Variants in SLC35E3 observed in about 807,000 individuals in gnomAD.
SLC35E3 encodes solute carrier family 35 member E3.
A neutral mutation model predicts 30.8 loss-of-function variants in SLC35E3; 28 were observed. The ratio of observed to expected loss-of-function variants is 0.91; its 90% CI spans 0.67 to 1.25. The LOEUF is 1.25. Ranked by LOEUF, SLC35E3 falls within the 50% of genes most tolerant of loss-of-function variation. The probability of loss-of-function intolerance (pLI) is 0.00; values close to 1 mark genes in which losing one functional copy is unlikely to be tolerated. For missense variants in SLC35E3, 365 were observed against 375.4 expected (o/e 0.97, Z 0.23); for synonymous variants, 146 against 149.2 (o/e 0.98, Z 0.16).
chr12:68,758,817 C>T (rs557723324), intron 3 of SLC35E3, among the ~76,000 whole-genome samples: 150 of 126,454 alleles, frequency 1.2e-3, no homozygotes, highest in Middle Eastern at 0.012. Flanking sequence ...TCTCGGCTCA[C>T]TGCAAGCTCC....
At position 68,765,683 on chromosome 12, in the gene SLC35E3, CATACAT is replaced by C. The variant is rs1476471979; in HGVS notation, c.*800_*805del. On this transcript the variant is annotated 3_prime_UTR_variant, in exon 5 of 5. Coordinates refer to ENST00000398004, the MANE Select transcript of SLC35E3 (RefSeq NM_018656.5). ...ATATATACACATATATACACACACA[CATACAT>C]ATACATGTGTATATATATACCATCC... is the stretch of plus-strand genomic sequence containing the variant. 4 of 150,194 alleles carry C rather than the reference CATACAT, an allele frequency of 2.7e-5. No homozygotes were observed. The highest frequency in any genetic ancestry group is 7.4e-5 in the African/African-American group (3 of 40,606). 9.3% of individuals were successfully genotyped at this position (150,194 alleles called of 1,614,324 possible). A position where few individuals can be genotyped will look rare whatever the true frequency, so the allele number is the denominator to read the frequency against.
intron 3 of SLC35E3, among the ~76,000 whole-genome samples, chr12:68,756,706 A>G (rs147190327): frequency 1.3e-5 from 2 of 152,336 alleles, no homozygotes; most frequent in Non-Finnish European, 2.9e-5. Context: ...ATTAAAAACA[A>G]AAATCACATG....
chr12:68,757,260 C>T (rs990250699), intron 3 of SLC35E3, among the ~76,000 whole-genome samples: 2 of 152,180 alleles, frequency 1.3e-5, no homozygotes, highest in Non-Finnish European at 2.9e-5. Flanking sequence ...TCCTCTTCAA[C>T]GTGGAACTAG....
chr12:68,771,851 C>A lies in SLC35E3; in HGVS notation c.*6961C>A, dbSNP rs962527824. On this transcript the variant is annotated 3_prime_UTR_variant, in exon 5 of 5. Coordinates refer to ENST00000398004, the MANE Select transcript of SLC35E3 (RefSeq NM_018656.5). ...TGGGCAGCTTGCTCAAATCTTACTTCTCAGTTTCTTCACCTATAAAATGAG... is the reference window on the plus strand; with the variant it reads ...TGGGCAGCTTGCTCAAATCTTACTTATCAGTTTCTTCACCTATAAAATGAG... The A allele has an allele frequency of 1.3e-5, 2 of 152,256 alleles. No homozygotes were observed. The highest frequency in any genetic ancestry group is 6.5e-5 in the Admixed American group (1 of 15,270). 9.4% of individuals were successfully genotyped at this position (152,256 alleles called of 1,614,324 possible). A position where few individuals can be genotyped will look rare whatever the true frequency, so the allele number is the denominator to read the frequency against.
rs1165026420 is a variant in SLC35E3, at chr12:68,767,627, T to C, written c.*2737T>C. On this transcript the variant is annotated 3_prime_UTR_variant, in exon 5 of 5. Transcript: ENST00000398004. Reference sequence around the variant, plus strand: ...CAATAAAAATATATATACACACATATAATATACCTTTGGGGTTTTTAGGAT... The same window carrying C: ...CAATAAAAATATATATACACACATACAATATACCTTTGGGGTTTTTAGGAT... 1 of 152,014 alleles carries C rather than the reference T, an allele frequency of 6.6e-6. No individual in the cohort carries two copies. Among genetic ancestry groups the C allele is most frequent in the African/African-American group, 2.4e-5 (1 of 41,404 alleles). 9.4% of individuals were successfully genotyped at this position (152,014 alleles called of 1,614,324 possible).
Position 68,766,177 on chromosome 12 carries a change from A to AC in SLC35E3, c.*1288dup, listed in dbSNP as rs1353067572. The AC allele has an allele frequency of 6.6e-6, 1 of 152,032 alleles. No homozygotes were observed. Among genetic ancestry groups the AC allele is most frequent in the Non-Finnish European group, 1.5e-5 (1 of 68,006 alleles). The allele number at this position is 152,032 out of a possible 1,614,324, so 9.4% of individuals were successfully genotyped here. The stretch of plus-strand genomic sequence containing the variant: ...TTTGAGTTTTCAGTGAACTATAGAA[A>AC]CTATATGGAGTTAAAAAACAAAACG... On this transcript the variant is annotated 3_prime_UTR_variant, in exon 5 of 5. Transcript: ENST00000398004.
intron 3 of SLC35E3, among the ~76,000 whole-genome samples, chr12:68,752,741 C>T (rs1253370727): frequency 1.3e-5 from 2 of 152,082 alleles, no homozygotes; most frequent in Non-Finnish European, 2.9e-5. Context: ...TGTGGTGGCT[C>T]ATGCCTGTAA....
In SLC35E3 at chr12:68,746,270, A is replaced by G. The variant is rs1878545792; in HGVS notation, c.-108A>G. On this transcript the variant is annotated 5_prime_UTR_variant, in exon 1 of 5. Coordinates refer to ENST00000398004, the MANE Select transcript of SLC35E3 (RefSeq NM_018656.5). Reference sequence around the variant, plus strand: ...GATCTGTGCATGCCACTCCTGGGTCAGACGGTGAGGTCGGCGTCTGCGAGG... The same window carrying G: ...GATCTGTGCATGCCACTCCTGGGTCGGACGGTGAGGTCGGCGTCTGCGAGG... 6 of 1,096,818 alleles carry G rather than the reference A, an allele frequency of 5.5e-6. No homozygotes were observed. The East Asian group carries it at 1.2e-4, about 23-fold the overall frequency. The allele number at this position is 1,096,818 out of a possible 1,614,324, so 67.9% of individuals were successfully genotyped here. A position where few individuals can be genotyped will look rare whatever the true frequency, so the allele number is the denominator to read the frequency against.
rs1295465598 is a variant in SLC35E3, at chr12:68,746,471, AACAAATGGATTTATGTGT to A, written c.97_114del (p.Lys33_Tyr38del). The A allele has an allele frequency of 1.9e-6, 3 of 1,614,162 alleles. No homozygotes were observed. The South Asian group carries it at 3.3e-5, about 18-fold the overall frequency. On this transcript the variant is annotated inframe_deletion, in exon 1 of 5. Coordinates refer to ENST00000398004, the MANE Select transcript of SLC35E3 (RefSeq NM_018656.5). ...GGTGTCCATCTGCATTGTGTTCCTCAACAAATGGATTTATGTGTACCACGGCTTCCCCAACATGAGCCT... is the reference window on the plus strand; with the variant it reads ...GGTGTCCATCTGCATTGTGTTCCTCAACCACGGCTTCCCCAACATGAGCCT...
rs1265202392 is a variant in SLC35E3, at chr12:68,770,458, T to G, written c.*5568T>G. ...TAGCTTCAAAGGTAGTGGAATGAGA[T>G]AAGTGGAAATAATTGAGTAGCTGGA... is the stretch of plus-strand genomic sequence containing the variant. On this transcript the variant is annotated 3_prime_UTR_variant, in exon 5 of 5. Transcript: ENST00000398004. The G allele has an allele frequency of 6.6e-6, 1 of 152,328 alleles. No individual in the cohort carries two copies. 9.4% of individuals were successfully genotyped at this position (152,328 alleles called of 1,614,324 possible). A position where few individuals can be genotyped will look rare whatever the true frequency, so the allele number is the denominator to read the frequency against.
chr12:68,746,905 A>G (rs954709961), intron 1 of SLC35E3, 126 bp downstream of exon 1: 28 of 1,081,936 alleles, frequency 2.6e-5, no homozygotes, highest in Non-Finnish European at 3.5e-5. Context: ...ATCTGTGGGC[A>G]TGTGAACTTT....
At position 68,774,264 on chromosome 12, in the gene SLC35E3, T is replaced by C. The variant is rs1423946867; in HGVS notation, c.*9374T>C. 1.3e-5 allele frequency: 2 copies of C among 152,126 alleles called. No individual in the cohort carries two copies. Among genetic ancestry groups the C allele is most frequent in the African/African-American group, 4.8e-5 (2 of 41,478 alleles). The allele number at this position is 152,126 out of a possible 1,614,324, so 9.4% of individuals were successfully genotyped here. A position where few individuals can be genotyped will look rare whatever the true frequency, so the allele number is the denominator to read the frequency against. Reference sequence around the variant, plus strand: ...CCAGCCTGGGCAACATTGCAAAACCTGTTCTCTGTGAATAACTTAAAAATT... The same window carrying C: ...CCAGCCTGGGCAACATTGCAAAACCCGTTCTCTGTGAATAACTTAAAAATT... On this transcript the variant is annotated 3_prime_UTR_variant, in exon 5 of 5. Transcript: ENST00000398004.
intron 4 of SLC35E3, 124 bp from the exon 5 acceptor site, chr12:68,764,580 G>A (rs1205127298): frequency 2.5e-5 from 20 of 790,584 alleles, no homozygotes; most frequent in East Asian, 5.7e-5. Flanking sequence ...GATCCACCAC[G>A]CCTGGTCCCA....
Position 68,758,602 on chromosome 12 carries a change from C to T in SLC35E3, c.673-555C>T, listed in dbSNP as rs1879117932. On this transcript the variant is annotated intron_variant, in intron 3 of 4. Coordinates refer to ENST00000398004, the MANE Select transcript of SLC35E3 (RefSeq NM_018656.5). The stretch of plus-strand genomic sequence containing the variant: ...AAAAATGAACCTGGAAATTCACAAT[C>T]ACAGAAAGGATGTTATTGCAGTATT... Among the ~76,000 whole-genome samples, 3 of 151,832 alleles carry T rather than the reference C, an allele frequency of 2.0e-5. No homozygotes were observed. In the East Asian group the frequency reaches 5.8e-4, roughly 29 times the overall value.
In SLC35E3 at chr12:68,771,110, C is replaced by T. The variant is rs1879591308; in HGVS notation, c.*6220C>T. 6.6e-6 allele frequency: 1 copy of T among 151,780 alleles called. No homozygotes were observed. The highest frequency in any genetic ancestry group is 2.1e-4 in the South Asian group (1 of 4,810). The allele number at this position is 151,780 out of a possible 1,614,324, so 9.4% of individuals were successfully genotyped here. On this transcript the variant is annotated 3_prime_UTR_variant, in exon 5 of 5. Coordinates refer to ENST00000398004, the MANE Select transcript of SLC35E3 (RefSeq NM_018656.5). ...CCAACATGGTGAAACCCCGTCTCTACTAAAAGTACAAAAATTAGCTGTGTG... is the reference window on the plus strand; with the variant it reads ...CCAACATGGTGAAACCCCGTCTCTATTAAAAGTACAAAAATTAGCTGTGTG...
intron 4 of SLC35E3, among the ~76,000 whole-genome samples, chr12:68,762,598 T>C (rs564104533): frequency 6.6e-6 from 1 of 152,352 alleles, no homozygotes; most frequent in African/African-American, 2.4e-5. Flanking sequence ...TGTAGACTGC[T>C]CTTTTGTTGT....
chr12:68,752,118 G>T lies in SLC35E3; in HGVS notation c.600G>T (p.Leu200=), dbSNP rs962003377. 6.2e-7 allele frequency: 1 copy of T among 1,613,846 alleles called. No individual in the cohort carries two copies. Among genetic ancestry groups the T allele is most frequent in the African/African-American group, 1.3e-5 (1 of 74,920 alleles). The stretch of plus-strand genomic sequence containing the variant: ...CTCCGATGTCATCTGCCATGTTGCT[G>T]GTTGCTGTGCCCTTCTTTGAGCCAG... ...YQAPMSSAML[L]VAVPFFEPVF... is the part of the protein sequence containing the mutation. The change falls in exon 3 of 5, where the codon CTG becomes CTT. Residue 200 remains leucine, a synonymous_variant. Transcript: ENST00000398004.
At position 68,772,002 on chromosome 12, in the gene SLC35E3, AG is replaced by A. The variant is rs1287234626; in HGVS notation, c.*7115del. On this transcript the variant is annotated 3_prime_UTR_variant, in exon 5 of 5. Transcript: ENST00000398004. ...AAGTAGATTGAATAAATTAATCAGA[AG>A]GGTTTGGTTTGTTTGACCTTTTTTT... is the stretch of plus-strand genomic sequence containing the variant. 6 of 152,248 alleles carry A rather than the reference AG, an allele frequency of 3.9e-5. No homozygotes were observed. Among genetic ancestry groups the A allele is most frequent in the Non-Finnish European group, 7.4e-5 (5 of 68,010 alleles). 9.4% of individuals were successfully genotyped at this position (152,248 alleles called of 1,614,324 possible). A position where few individuals can be genotyped will look rare whatever the true frequency, so the allele number is the denominator to read the frequency against.
At chr12:68,752,329 G>T (rs1878835246) in intron 3 of SLC35E3, 139 bp downstream of exon 3, 4 of 921,598 alleles carry the variant, frequency 4.3e-6, no homozygotes, top group Non-Finnish European at 6.4e-6. Context: ...AGGAGGTAAG[G>T]TAAGGATTCT....
Sources: allele counts gnomAD v4.1 joint callset (sites outside exome capture counted in the v4.1 genomes callset), GRCh38; gene constraint gnomAD v4.1.1; transcripts MANE v1.5; gene names NCBI Gene and HGNC (gene_info 2026-07-23, HGNC 2026-07-21).